The following AUTS2 variants were observed in gnomAD, a reference collection of about 807,000 sequenced individuals.
AUTS2 encodes autism susceptibility gene 2 protein.
In AUTS2, 17 loss-of-function variants were observed where a neutral mutation model predicts 112.4. The observed-to-expected ratio is 0.15, with a 90% CI of 0.10 to 0.23. The LOEUF (loss-of-function observed/expected upper bound fraction) is 0.23. AUTS2 is among the 10% of genes least tolerant of loss of function. The probability of loss-of-function intolerance (pLI) is 1.00; values close to 1 mark genes in which losing one functional copy is unlikely to be tolerated. For synonymous variants in AUTS2, 751 were observed against 702.7 expected, an observed-to-expected ratio of 1.07 and a Z score of -1.09; for missense variants, 1,510 against 1,701.6, an observed-to-expected ratio of 0.89 and a Z score of 1.98.
chr7:70,211,515 G>T, intron 4 of AUTS2, among the ~76,000 whole-genome samples: 1 of 151,494 alleles, frequency 6.6e-6, no homozygotes. Context: ...CGGATGTGGT[G>T]GTGGGCGCCT....
At chr7:70,375,182 T>C (rs10486876) in intron 4 of AUTS2, among the ~76,000 whole-genome samples, 20,831 of 152,222 alleles carry the variant, frequency 0.14, 2,519 homozygotes, top group African/African-American at 0.33. Context: ...TGTTAAATGT[T>C]GAAATGCTTG....
intron 4 of AUTS2, among the ~76,000 whole-genome samples, chr7:70,249,751 T>G (rs998941283): frequency 1.3e-5 from 2 of 151,858 alleles, no homozygotes; most frequent in African/African-American, 4.8e-5. Flanking sequence ...TCAAACTCAG[T>G]AAGTGGATTA....
chr7:69,599,306 G>A lies in AUTS2; in HGVS notation c.-348G>A, dbSNP rs1770120926. The A allele has an allele frequency of 4.6e-6, 1 of 218,214 alleles. No individual in the cohort carries two copies. The highest frequency in any genetic ancestry group is 2.3e-5 in the African/African-American group (1 of 43,636). 13.5% of individuals were successfully genotyped at this position (218,214 alleles called of 1,614,324 possible). A position where few individuals can be genotyped will look rare whatever the true frequency, so the allele number is the denominator to read the frequency against. On this transcript the variant is annotated 5_prime_UTR_variant, in exon 1 of 19. Coordinates refer to ENST00000342771, the MANE Select transcript of AUTS2 (RefSeq NM_015570.4). The surrounding 1 kb of genome is among the most constrained non-coding windows in gnomAD (Gnocchi z 7.0). ...TTCTGATTTATTGCTTGCTTGGTGA[G>A]TTATTTTTTTTTCCTCTAAAGGAGA...
At chr7:70,756,880 G>A (rs183399136) in intron 6 of AUTS2, among the ~76,000 whole-genome samples, 17 of 152,346 alleles carry the variant, frequency 1.1e-4, no homozygotes, top group African/African-American at 3.8e-4. Context: ...AAAAACAGAG[G>A]TGGTGGGTTC....
chr7:70,175,349 G>T (rs142726374), intron 4 of AUTS2, among the ~76,000 whole-genome samples: 6 of 152,298 alleles, frequency 3.9e-5, no homozygotes, highest in Middle Eastern at 3.4e-3. Context: ...TTCTTGAGAT[G>T]GAGTCTACTC....
At chr7:70,490,839 T>C (rs921986397) in intron 5 of AUTS2, among the ~76,000 whole-genome samples, 3 of 152,192 alleles carry the variant, frequency 2.0e-5, no homozygotes, top group Non-Finnish European at 1.5e-5. Flanking sequence ...TATCATCCTT[T>C]CCACAGTTTA....
intron 1 of AUTS2, among the ~76,000 whole-genome samples, chr7:69,618,239 G>A (rs190595903): frequency 6.6e-6 from 1 of 152,106 alleles, no homozygotes; most frequent in South Asian, 2.1e-4. Context: ...TGCTCCCCTC[G>A]CCTCCATTTT....
chr7:69,681,468 T>C (rs960905323), intron 1 of AUTS2, among the ~76,000 whole-genome samples: 1 of 152,224 alleles, frequency 6.6e-6, no homozygotes. Context: ...TAGGGTGGCC[T>C]GTTCCAAGCT....
intron 1 of AUTS2, among the ~76,000 whole-genome samples, chr7:69,685,453 A>G (rs1443611821): frequency 6.6e-6 from 1 of 152,168 alleles, no homozygotes; most frequent in African/African-American, 2.4e-5. Flanking sequence ...AATGAACCCT[A>G]CTTTTCCCCA....
chr7:70,096,607 A>G lies in AUTS2; in HGVS notation c.523-21525A>G, dbSNP rs1429540430. Among the ~76,000 whole-genome samples the G allele has an allele frequency of 4.6e-5, 7 of 151,442 alleles. No homozygotes were observed. In the East Asian group the frequency reaches 5.8e-4, roughly 13 times the overall value. The stretch of plus-strand genomic sequence containing the variant: ...AGAGTGAAACTCCATCTTAAAAAAA[A>G]AAAAAAAAAGAAAAAAAAAGAAAAA... On this transcript the variant is annotated intron_variant, in intron 2 of 18. Transcript: ENST00000342771.
At chr7:70,156,522 G>A (rs985606888) in intron 4 of AUTS2, among the ~76,000 whole-genome samples, 2 of 152,044 alleles carry the variant, frequency 1.3e-5, no homozygotes, top group Non-Finnish European at 2.9e-5. Context: ...TGGACTTTAG[G>A]TGAACTCTCA....
chr7:70,485,174 C>T (rs370205990), intron 5 of AUTS2, among the ~76,000 whole-genome samples: 1 of 152,106 alleles, frequency 6.6e-6, no homozygotes, highest in Non-Finnish European at 1.5e-5. Context: ...AAAGACATGG[C>T]GCACACATAT....
In AUTS2 at chr7:70,514,889, A is replaced by G. The variant is rs191598222; in HGVS notation, c.690+79108A>G. On this transcript the variant is annotated intron_variant, in intron 5 of 18. Coordinates refer to ENST00000342771, the MANE Select transcript of AUTS2 (RefSeq NM_015570.4). ...CTATTCCGATCATTTGGATTTTCCC[A>G]ATTACTAGTGAAATTGAGCATCTTT... 2.6e-5 allele frequency among the ~76,000 whole-genome samples: 4 copies of G among 152,322 alleles called. No homozygotes were observed. In the East Asian group the frequency reaches 5.8e-4, roughly 22 times the overall value.
At chr7:70,499,195 G>T (rs937578047) in intron 5 of AUTS2, among the ~76,000 whole-genome samples, 1 of 152,190 alleles carries the variant, frequency 6.6e-6, no homozygotes, top group African/African-American at 2.4e-5. Context: ...GCATGTGTCC[G>T]CAGGACAGAC....
chr7:69,647,874 T>A (rs1795103451), intron 1 of AUTS2, among the ~76,000 whole-genome samples: 1 of 152,242 alleles, frequency 6.6e-6, no homozygotes, highest in African/African-American at 2.4e-5. Flanking sequence ...TTGACAGTCT[T>A]TGGCATTCTT....
chr7:70,486,748 G>C (rs928639759), intron 5 of AUTS2, among the ~76,000 whole-genome samples: 1 of 151,630 alleles, frequency 6.6e-6, no homozygotes, highest in Non-Finnish European at 1.5e-5. Context: ...GACAGAGTGA[G>C]ATTCCATCTC....
intron 5 of AUTS2, among the ~76,000 whole-genome samples, chr7:70,692,854 G>A (rs1239857414): frequency 6.6e-6 from 1 of 151,668 alleles, no homozygotes; most frequent in Non-Finnish European, 1.5e-5. Flanking sequence ...GCAAGGAGTG[G>A]CCATCATTAC....
intron 2 of AUTS2, among the ~76,000 whole-genome samples, chr7:69,925,164 C>G (rs1164794047): frequency 6.6e-6 from 1 of 152,158 alleles, no homozygotes; most frequent in Non-Finnish European, 1.5e-5. Flanking sequence ...TCTTCTCTCT[C>G]TGTCATATCA....
chr7:69,749,778 T>A (rs1032743890), intron 1 of AUTS2, among the ~76,000 whole-genome samples: 1 of 152,182 alleles, frequency 6.6e-6, no homozygotes, highest in Non-Finnish European at 1.5e-5. Flanking sequence ...TCTAGTGAAA[T>A]ACACAAAAAT....
Sources: allele counts gnomAD v4.1 joint callset (sites outside exome capture counted in the v4.1 genomes callset), GRCh38; gene constraint gnomAD v4.1.1; non-coding constraint Gnocchi (gnomAD v3.1); transcripts MANE v1.5; gene names NCBI Gene and HGNC (gene_info 2026-07-23, HGNC 2026-07-21).